The following MACROD2 variants were observed in gnomAD, a reference collection of about 807,000 sequenced individuals.
MACROD2 encodes the protein mono-ADP ribosylhydrolase 2, also known as ADP-ribose glycohydrolase MACROD2.
Under a neutral mutation model 70.4 loss-of-function variants are expected in MACROD2, and 36 were observed. The observed-to-expected ratio is 0.51, with a 90% confidence interval of 0.39 to 0.68. The LOEUF is 0.68. MACROD2 is among the 30% of genes least tolerant of loss of function. The pLI, the probability that MACROD2 is intolerant of heterozygous loss-of-function variation, is 0.00. For missense variants in MACROD2, 496 were observed against 538.4 expected (o/e 0.92, Z 0.78); for synonymous variants, 172 against 178.8 (o/e 0.96, Z 0.30).
intron 6 of MACROD2, among the ~76,000 whole-genome samples, chr20:15,383,794 T>C (rs916130259): frequency 6.6e-6 from 1 of 152,200 alleles, no homozygotes; most frequent in African/African-American, 2.4e-5. Context: ...CCAAGTCATT[T>C]ATCTATTTGT....
intron 8 of MACROD2, among the ~76,000 whole-genome samples, chr20:15,604,168 A>T (rs2048861983): frequency 1.3e-5 from 2 of 152,142 alleles, no homozygotes; most frequent in Non-Finnish European, 2.9e-5. Context: ...TGAGTATAGA[A>T]AGGGGAAATG....
Position 15,243,681 on chromosome 20 carries a change from C to T in MACROD2, c.540+13620C>T, listed in dbSNP as rs945153348. Among the ~76,000 whole-genome samples the T allele has an allele frequency of 5.9e-5, 9 of 151,850 alleles. No homozygotes were observed. In the East Asian group the frequency reaches 7.7e-4, roughly 13 times the overall value. On this transcript the variant is annotated intron_variant, in intron 6 of 17. Coordinates refer to ENST00000684519, the MANE Select transcript of MACROD2 (RefSeq NM_001351661.2). ...CTGTAATCCCAGCACTTTGGGAGGCCGAGGCGGGCAAATCACGAGGTCAGG... is the reference window on the plus strand; with the variant it reads ...CTGTAATCCCAGCACTTTGGGAGGCTGAGGCGGGCAAATCACGAGGTCAGG...
intron 6 of MACROD2, among the ~76,000 whole-genome samples, chr20:15,301,614 T>TTTTTTTTTTTTTTTTTTTTTTTTTTA (rs2077644649): frequency 7.4e-6 from 1 of 135,662 alleles, no homozygotes; most frequent in African/African-American, 2.9e-5. Context: ...TTTTTTTTTT[T>TTTTTTTTTTTTTTTTTTTTTTTTTTA]GTAGAGACAA....
intron 8 of MACROD2, among the ~76,000 whole-genome samples, chr20:15,838,730 T>C (rs77650261): frequency 0.028 from 4,263 of 152,304 alleles, 127 homozygotes; most frequent in East Asian, 0.13. Context: ...ATAAAAGTGA[T>C]AAGCATCATT....
chr20:14,912,976 T>A (rs755918670), intron 5 of MACROD2, among the ~76,000 whole-genome samples: 8 of 152,122 alleles, frequency 5.3e-5, no homozygotes, highest in Non-Finnish European at 1.2e-4. Flanking sequence ...CAGAAGTACT[T>A]GCCAGGATGA....
intron 5 of MACROD2, among the ~76,000 whole-genome samples, chr20:15,215,297 T>C (rs1022536488): frequency 2.7e-5 from 4 of 150,466 alleles, no homozygotes; most frequent in Admixed American, 2.0e-4. Flanking sequence ...TGTGTGTGTG[T>C]ATTTTCAACC....
At chr20:16,004,226 C>A (rs554333900) in intron 15 of MACROD2, among the ~76,000 whole-genome samples, 7 of 152,122 alleles carry the variant, frequency 4.6e-5, no homozygotes, top group Non-Finnish European at 1.0e-4. Flanking sequence ...CACTTATAAG[C>A]CTCTCTTCCC....
chr20:14,321,525 G>GATTTGTTAATAA (rs2082660592), intron 3 of MACROD2, among the ~76,000 whole-genome samples: 1 of 152,182 alleles, frequency 6.6e-6, no homozygotes, highest in Non-Finnish European at 1.5e-5. Context: ...CTAAGACTAT[G>GATTTGTTAATAA]CTAAATTAAG....
At chr20:14,189,326 A>G (rs895039293) in intron 3 of MACROD2, among the ~76,000 whole-genome samples, 5 of 152,212 alleles carry the variant, frequency 3.3e-5, no homozygotes, top group Admixed American at 1.3e-4. Flanking sequence ...ACTTATTTCA[A>G]CAAAGATATA....
intron 6 of MACROD2, among the ~76,000 whole-genome samples, chr20:15,419,704 C>T (rs2046202475): frequency 1.3e-5 from 2 of 152,198 alleles, no homozygotes; most frequent in African/African-American, 4.8e-5. Context: ...CAATTTTCCT[C>T]GGGCTCTGCA....
At chr20:15,544,325 A>G (rs908817110) in intron 8 of MACROD2, among the ~76,000 whole-genome samples, 3 of 152,184 alleles carry the variant, frequency 2.0e-5, no homozygotes, top group African/African-American at 4.8e-5. Flanking sequence ...AATAACCTGG[A>G]TGCTTATTTT....
At chr20:14,194,997 A>C (rs1490874417) in intron 3 of MACROD2, among the ~76,000 whole-genome samples, 1 of 152,160 alleles carries the variant, frequency 6.6e-6, no homozygotes, top group Non-Finnish European at 1.5e-5. Context: ...GTCTGCAATG[A>C]AGTGGTAATA....
intron 5 of MACROD2, among the ~76,000 whole-genome samples, chr20:15,192,337 C>T (rs1198965545): frequency 6.6e-6 from 1 of 152,178 alleles, no homozygotes; most frequent in Non-Finnish European, 1.5e-5. Context: ...TAATTCACAA[C>T]CTTTTCATAA....
intron 5 of MACROD2, among the ~76,000 whole-genome samples, chr20:14,878,508 A>G (rs2073575083): frequency 6.6e-6 from 1 of 152,156 alleles, no homozygotes; most frequent in Non-Finnish European, 1.5e-5. Context: ...GAGAAGTAAT[A>G]AATGTTATAT....
chr20:15,841,753 G>A (rs1226876959), intron 8 of MACROD2, among the ~76,000 whole-genome samples: 2 of 152,064 alleles, frequency 1.3e-5, no homozygotes, highest in Non-Finnish European at 2.9e-5. Context: ...GACTTAGAAT[G>A]ATGGTGGGAG....
chr20:15,464,981 A>ATTTTTTTACTCTCTTT (rs2046866276), intron 7 of MACROD2, among the ~76,000 whole-genome samples: 1 of 151,956 alleles, frequency 6.6e-6, no homozygotes, highest in Non-Finnish European at 1.5e-5. Flanking sequence ...ACCTGATTTG[A>ATTTTTTTACTCTCTTT]TTTTTTTACT....
At chr20:15,365,521 C>A (rs997825749) in intron 6 of MACROD2, among the ~76,000 whole-genome samples, 18 of 151,880 alleles carry the variant, frequency 1.2e-4, no homozygotes, top group Admixed American at 9.2e-4. Flanking sequence ...ATTAGCCGGG[C>A]ATGGTGGCAT....
intron 3 of MACROD2, among the ~76,000 whole-genome samples, chr20:14,467,581 C>T (rs761108000): frequency 1.1e-4 from 17 of 152,074 alleles, no homozygotes; most frequent in Admixed American, 3.9e-4. Flanking sequence ...GAGGTGAACC[C>T]GGTTGGAAAT....
At chr20:15,438,467 A>G (rs948984884) in intron 7 of MACROD2, among the ~76,000 whole-genome samples, 1 of 152,064 alleles carries the variant, frequency 6.6e-6, no homozygotes, top group Admixed American at 6.6e-5. Flanking sequence ...TGTTGGCCAC[A>G]TGTATGTCTT....
Sources: allele counts gnomAD v4.1 joint callset (sites outside exome capture counted in the v4.1 genomes callset), GRCh38; gene constraint gnomAD v4.1.1; transcripts MANE v1.5; gene names NCBI Gene and HGNC (gene_info 2026-07-23, HGNC 2026-07-21).